TTC6: variants seen among roughly 807,000 people sequenced by gnomAD.
TTC6 encodes the protein tetratricopeptide repeat domain 6.
Under a neutral mutation model 210.4 loss-of-function variants are expected in TTC6, and 172 were observed. The ratio of observed to expected loss-of-function variants is 0.82; its 90% CI spans 0.72 to 0.93. The LOEUF (loss-of-function observed/expected upper bound fraction) is 0.93. TTC6 is among the 40% of genes least tolerant of loss of function. The pLI is 0.00. For synonymous variants in TTC6, 804 were observed against 819.6 expected, an observed-to-expected ratio of 0.98 and a Z score of 0.32; for missense variants, 2,414 against 2,318.1, an observed-to-expected ratio of 1.04 and a Z score of -0.85.
At chr14:37,726,064 T>C (rs2095872486) in intron 7 of TTC6, among the ~76,000 whole-genome samples, 2 of 152,302 alleles carry the variant, frequency 1.3e-5, no homozygotes, top group Admixed American at 6.5e-5. Context: ...CTTCTCCTTC[T>C]TCCTCCTCCT....
intron 4 of TTC6, among the ~76,000 whole-genome samples, chr14:37,700,750 CAAA>C (rs35091344): frequency 9.6e-5 from 6 of 62,284 alleles, no homozygotes; most frequent in African/African-American, 1.5e-4. Flanking sequence ...CTCCATCTCA[CAAA>C]AAAAAAAAAA....
intron 25 of TTC6, among the ~76,000 whole-genome samples, chr14:37,815,093 A>G (rs1203795290): frequency 6.6e-6 from 1 of 152,168 alleles, no homozygotes; most frequent in Non-Finnish European, 1.5e-5. Context: ...TAGTAAAGGA[A>G]TAAAAAAAGA....
chr14:37,596,490 T>C (rs2095604883), intron 1 of TTC6, among the ~76,000 whole-genome samples: 1 of 152,240 alleles, frequency 6.6e-6, no homozygotes. Flanking sequence ...GCAAAGTCTC[T>C]TTACTCTCAT....
Position 37,748,294 on chromosome 14 carries a change from G to A in TTC6, c.2364-645G>A, listed in dbSNP as rs568476806. Among the ~76,000 whole-genome samples the A allele has an allele frequency of 5.9e-5, 9 of 152,276 alleles. No individual in the cohort carries two copies. The East Asian group carries it at 1.7e-3, about 29-fold the overall frequency. On this transcript the variant is annotated intron_variant, in intron 10 of 30. Coordinates refer to ENST00000553443, the Ensembl canonical transcript of TTC6. ...ATAGTACATATTCAGTAAATATGAA[G>A]TGATAGGGTAACTTTTTCTTATTCC...
chr14:37,667,504 T>C (rs1203019611), intron 1 of TTC6, among the ~76,000 whole-genome samples: 1 of 150,588 alleles, frequency 6.6e-6, no homozygotes, highest in Non-Finnish European at 1.5e-5. Context: ...TCTCCATTAC[T>C]CATGCAAATG....
At chr14:37,726,644 TA>T (rs2095873588) in intron 7 of TTC6, among the ~76,000 whole-genome samples, 1 of 152,160 alleles carries the variant, frequency 6.6e-6, no homozygotes, top group Admixed American at 6.5e-5. Context: ...TCATCATTTT[TA>T]ATATTCTGAA....
chr14:37,840,992 C>G (rs1684253931), intron 29 of TTC6, among the ~76,000 whole-genome samples: 1 of 151,964 alleles, frequency 6.6e-6, no homozygotes, highest in African/African-American at 2.4e-5. Flanking sequence ...CCTCAGCCTC[C>G]TGAGTAGCTG....
At position 37,767,549 on chromosome 14, in the gene TTC6, G is replaced by A. The variant is rs1004720137; in HGVS notation, c.3266+14314G>A. 3.0e-3 allele frequency among the ~76,000 whole-genome samples: 456 copies of A among 151,718 alleles called. 8 individuals carry two copies. Among genetic ancestry groups the A allele is most frequent in the East Asian group, 0.025 (130 of 5,170 alleles). ...TTTGATTTGCATTTCTCTGATGGCC[G>A]GTGATGATGAACATTTTTTCATGTG... On this transcript the variant is annotated intron_variant, in intron 14 of 30. Coordinates refer to ENST00000553443, the Ensembl canonical transcript of TTC6.
intron 6 of TTC6, among the ~76,000 whole-genome samples, chr14:37,721,847 C>CATGTATATATATATATATATAT (rs2095862253): frequency 8.5e-6 from 1 of 117,266 alleles, no homozygotes; most frequent in Non-Finnish European, 1.8e-5. Flanking sequence ...TGAGTTTCAC[C>CATGTATATATATATATATATAT]ATATATATAT....
intron 14 of TTC6, among the ~76,000 whole-genome samples, chr14:37,755,290 A>G (rs754048786): frequency 2.6e-5 from 4 of 152,140 alleles, no homozygotes; most frequent in African/African-American, 9.7e-5. Flanking sequence ...CCTTTGTCAG[A>G]TGAATAGATT....
intron 6 of TTC6, among the ~76,000 whole-genome samples, chr14:37,722,468 C>A (rs2095863781): frequency 6.6e-6 from 1 of 152,160 alleles, no homozygotes; most frequent in African/African-American, 2.4e-5. Context: ...CCACTTCAGC[C>A]TCCTGAGTAG....
chr14:37,762,057 T>C (rs886397496), intron 14 of TTC6, among the ~76,000 whole-genome samples: 34 of 152,194 alleles, frequency 2.2e-4, no homozygotes, highest in Non-Finnish European at 3.5e-4. Context: ...ATTCCACATA[T>C]AAACGAGAAC....
chr14:37,832,352 T>A (rs2096187812), intron 29 of TTC6, among the ~76,000 whole-genome samples: 1 of 99,562 alleles, frequency 1.0e-5, no homozygotes, highest in Non-Finnish European at 2.2e-5. Flanking sequence ...TTTTTTTTTT[T>A]TACTAATTTT....
At chr14:37,711,340 G>A (rs1319247698) in intron 5 of TTC6, among the ~76,000 whole-genome samples, 1 of 152,204 alleles carries the variant, frequency 6.6e-6, no homozygotes, top group Non-Finnish European at 1.5e-5. Context: ...ATAGAATGCA[G>A]TATATTGTGT....
chr14:37,810,142 A>G (rs2096126786), intron 24 of TTC6, among the ~76,000 whole-genome samples: 1 of 152,262 alleles, frequency 6.6e-6, no homozygotes, highest in Non-Finnish European at 1.5e-5. Context: ...GGTTTCCTCC[A>G]GAAATGTTGA....
chr14:37,680,352 T>A (rs1246242694), intron 2 of TTC6, 91 bp downstream of exon 4: 8 of 809,460 alleles, frequency 9.9e-6, no homozygotes, highest in African/African-American at 7.0e-5. Context: ...GTTAAAAAAA[T>A]TTCTCTGATG....
exon 22 of TTC6, chr14:37,806,451 A>C (rs749158764): frequency 6.5e-7 from 1 of 1,535,618 alleles, no homozygotes; most frequent in South Asian, 1.2e-5. Context: ...GAAACTCCAC[A>C]AGGATAGCTC....
At position 37,790,811 on chromosome 14, in the gene TTC6, CT is replaced by C; in HGVS notation, c.3534del (p.Phe1178LeufsTer7). On this transcript the variant is annotated frameshift_variant, in exon 16 of 31. Coordinates refer to ENST00000553443, the Ensembl canonical transcript of TTC6. LOFTEE classifies it high-confidence loss of function. ...AACTTTGGCTGCTGGCAATTTGTGA[CT>C]TTGAAACTGTCATTTCTCTAGAAAG... The C allele has an allele frequency of 1.3e-6, 2 of 1,534,216 alleles. No homozygotes were observed. The highest frequency in any genetic ancestry group is 1.7e-6 in the Non-Finnish European group (2 of 1,146,164).
intron 15 of TTC6, among the ~76,000 whole-genome samples, chr14:37,789,048 C>T (rs1370986853): frequency 2.3e-4 from 35 of 152,126 alleles, no homozygotes; most frequent in Admixed American, 2.3e-3. Context: ...AGCAGACAAA[C>T]TTGATTTCAG....
Sources: allele counts gnomAD v4.1 joint callset (sites outside exome capture counted in the v4.1 genomes callset), GRCh38; gene constraint gnomAD v4.1.1; transcripts MANE v1.5; gene names NCBI Gene and HGNC (gene_info 2026-07-23, HGNC 2026-07-21).